The following FGR variants were observed in gnomAD, a reference collection of about 807,000 sequenced individuals.
FGR encodes tyrosine-protein kinase Fgr.
Under a neutral mutation model 63.2 loss-of-function variants are expected in FGR, and 26 were observed. The ratio of observed to expected loss-of-function variants is 0.41; its 90% confidence interval spans 0.30 to 0.57. The LOEUF (loss-of-function observed/expected upper bound fraction) is 0.57, where lower values mean the gene tolerates loss of function less well. Among genes scored for constraint, FGR ranks in the 20% least tolerant of loss-of-function variants. The probability of loss-of-function intolerance (pLI) is 0.27; values close to 1 mark genes in which losing one functional copy is unlikely to be tolerated. For missense variants in FGR, 511 were observed against 690.8 expected (o/e 0.74, Z 2.92); for synonymous variants, 286 against 277.7 (o/e 1.03, Z -0.30).
At position 27,623,675 on chromosome 1, in the gene FGR, G is replaced by A. The variant is rs747943687; in HGVS notation, c.226+16C>T. 32 of 1,612,976 alleles carry A rather than the reference G, an allele frequency of 2.0e-5. No homozygotes were observed. The highest frequency in any genetic ancestry group is 5.0e-5 in the Admixed American group (3 of 59,948). Reference sequence around the variant, plus strand: ...CAGGATCCAGGCAGCTCCTGCCTCCGACCCCTTGGACTCACCTGACACACC... The same window carrying A: ...CAGGATCCAGGCAGCTCCTGCCTCCAACCCCTTGGACTCACCTGACACACC... On this transcript the variant is annotated intron_variant, in intron 3 of 12. Transcript: ENST00000374005.
In FGR at chr1:27,631,250, G is replaced by A. The variant is rs550494503; in HGVS notation, c.-77+3815C>T. Reference sequence around the variant, plus strand: ...ATCATGCTGTTCCTAACTAGTGAATGTCATACTTCCGGTCGAACACACCAC... The same window carrying A: ...ATCATGCTGTTCCTAACTAGTGAATATCATACTTCCGGTCGAACACACCAC... On this transcript the variant is annotated intron_variant, in intron 1 of 12. Transcript: ENST00000374005. Among the ~76,000 whole-genome samples, 4 of 152,280 alleles carry A rather than the reference G, an allele frequency of 2.6e-5. No homozygotes were observed. In the South Asian group the frequency reaches 8.3e-4, roughly 32 times the overall value.
chr1:27,619,545 C>A (rs1199308549), intron 5 of FGR, among the ~76,000 whole-genome samples: 2 of 152,200 alleles, frequency 1.3e-5, no homozygotes, highest in Non-Finnish European at 2.9e-5. Flanking sequence ...CAAATTTCTG[C>A]CCTAGCCCGT....
In FGR at chr1:27,617,134, C is replaced by G; in HGVS notation, c.532+59G>C. On this transcript the variant is annotated intron_variant, in intron 6 of 12. Coordinates refer to ENST00000374005, the MANE Select transcript of FGR (RefSeq NM_005248.3). This position sits in a 1 kb window ranked among gnomAD's most constrained non-coding sequence, Gnocchi z 4.5. Reference sequence around the variant, plus strand: ...CCTTAACCCAAGCAGCCTACCGCTCCTAGCCCTACCCCAATGGCTGGGCCT... The same window carrying G: ...CCTTAACCCAAGCAGCCTACCGCTCGTAGCCCTACCCCAATGGCTGGGCCT... 2 of 1,601,398 alleles carry G rather than the reference C, an allele frequency of 1.2e-6. No homozygotes were observed. The highest frequency in any genetic ancestry group is 2.2e-5 in the East Asian group (1 of 44,764).
At position 27,635,093 on chromosome 1, in the gene FGR, G is replaced by A. The variant is rs1168823660; in HGVS notation, c.-105C>T. Reference sequence around the variant, plus strand: ...GAGCCCAATTCTGCCCGGCCCCGGGGTGAGCCAGCCGGGGCTCCAGCAGCC... The same window carrying A: ...GAGCCCAATTCTGCCCGGCCCCGGGATGAGCCAGCCGGGGCTCCAGCAGCC... On this transcript the variant is annotated 5_prime_UTR_variant, in exon 1 of 13. Coordinates refer to ENST00000374005, the MANE Select transcript of FGR (RefSeq NM_005248.3). The A allele has an allele frequency of 6.6e-6, 1 of 152,356 alleles. No homozygotes were observed. The highest frequency in any genetic ancestry group is 1.5e-5 in the Non-Finnish European group (1 of 68,162). 9.4% of individuals were successfully genotyped at this position (152,356 alleles called of 1,614,324 possible). A position where few individuals can be genotyped will look rare whatever the true frequency, so the allele number is the denominator to read the frequency against.
In FGR at chr1:27,623,776, A is replaced by C; in HGVS notation, c.141T>G (p.Phe47Leu). ...DPTKARPASS[F>L]AHIPNYSNFS... ...AGTTGCTGTAGTTGGGGATGTGGGC[A>C]AATGAGGATGCAGGCCGGGCCTTAG... Residue 47 changes from phenylalanine to leucine, a missense_variant, in exon 3 of 13, where the codon TTT becomes TTG. Phe to Leu is a conservative substitution (Grantham distance 22). Transcript: ENST00000374005. 1 of 1,614,266 alleles carries C rather than the reference A, an allele frequency of 6.2e-7. No homozygotes were observed. The highest frequency in any genetic ancestry group is 8.5e-7 in the Non-Finnish European group (1 of 1,180,048).
chr1:27,621,528 T>C lies in FGR; in HGVS notation c.428+31A>G, dbSNP rs372293094. 7 of 1,553,966 alleles carry C rather than the reference T, an allele frequency of 4.5e-6. No individual in the cohort carries two copies. The African/African-American group carries it at 5.4e-5, about 12-fold the overall frequency. ...AGTCTGGACTCCAGGGTCCTGTCCA[T>C]AGGGCTGGTCTTGCCCCAATCCCTA... On this transcript the variant is annotated intron_variant, in intron 5 of 12. Transcript: ENST00000374005.
intron 5 of FGR, among the ~76,000 whole-genome samples, chr1:27,621,039 A>C (rs1408399888): frequency 2.0e-5 from 3 of 150,610 alleles, no homozygotes; most frequent in Admixed American, 6.6e-5. Context: ...AAAGAAAAGA[A>C]AAGAAAAACA....
At chr1:27,614,747 T>G in intron 10 of FGR, 103 bp downstream of exon 10, 1 of 1,339,628 alleles carries the variant, frequency 7.5e-7, no homozygotes, top group Non-Finnish European at 1.0e-6. Flanking sequence ...GCACAGCTGA[T>G]GCAGGGGGCG....
At chr1:27,624,056 T>C in intron 2 of FGR, 127 bp from the exon 3 acceptor site, 1 of 762,942 alleles carries the variant, frequency 1.3e-6, no homozygotes, top group South Asian at 1.9e-5. Flanking sequence ...TAGATTGGGG[T>C]CCTCCCTGTA....
At chr1:27,630,625 C>T (rs562190711) in intron 1 of FGR, among the ~76,000 whole-genome samples, 2 of 152,232 alleles carry the variant, frequency 1.3e-5, no homozygotes, top group South Asian at 2.1e-4. Context: ...TTTTCTCAGG[C>T]AGTCGCTGAA....
chr1:27,631,741 C>T (rs1190717886), intron 1 of FGR, among the ~76,000 whole-genome samples: 1 of 152,112 alleles, frequency 6.6e-6, no homozygotes, highest in African/African-American at 2.4e-5. Context: ...CAGAACTGGG[C>T]AGGGCTGAGA....
rs1371903594 is a variant in FGR, at chr1:27,628,171, C to CAA, written c.-76-3022_-76-3021dup. Among the ~76,000 whole-genome samples the CAA allele has an allele frequency of 1.6e-3, 139 of 86,364 alleles. 1 individual carries two copies. Among genetic ancestry groups the CAA allele is most frequent in the African/African-American group, 4.8e-3 (119 of 24,900 alleles). 56.7% of individuals were successfully genotyped at this position (86,364 alleles called of 152,430 possible). On this transcript the variant is annotated intron_variant, in intron 1 of 12. Coordinates refer to ENST00000374005, the MANE Select transcript of FGR (RefSeq NM_005248.3). Reference sequence around the variant, plus strand: ...CCTGAGTGACAGTGAAGCTCTGTCTCAAAAAAAAAAAAAACAAAAAAAAAC... The same window carrying CAA: ...CCTGAGTGACAGTGAAGCTCTGTCTCAAAAAAAAAAAAAAAACAAAAAAAAAC...
intron 11 of FGR, 21 bp from the exon 12 acceptor site, chr1:27,613,371 G>T: frequency 6.2e-7 from 1 of 1,612,068 alleles, no homozygotes; most frequent in Non-Finnish European, 8.5e-7. Context: ...TGGGGGAGCA[G>T]GGAAAGTTAG....
chr1:27,633,754 C>G (rs1030912101), intron 1 of FGR, among the ~76,000 whole-genome samples: 1 of 152,280 alleles, frequency 6.6e-6, no homozygotes, highest in East Asian at 1.9e-4. Context: ...GGACGGGGGT[C>G]TCCCTGTGCT....
intron 1 of FGR, among the ~76,000 whole-genome samples, chr1:27,630,606 C>G (rs967339889): frequency 2.0e-5 from 3 of 151,962 alleles, no homozygotes; most frequent in Admixed American, 1.3e-4. Context: ...AGAGCCATAT[C>G]TGCCCAGATT....
intron 3 of FGR, 88 bp from the exon 4 acceptor site, chr1:27,623,232 T>C (rs988516670): frequency 3.2e-6 from 3 of 928,572 alleles, no homozygotes; most frequent in Admixed American, 3.9e-5. Flanking sequence ...CCCAGCCAGG[T>C]GCTGCACCTC....
At position 27,616,317 on chromosome 1, in the gene FGR, C is replaced by T. The variant is rs1044072239; in HGVS notation, c.683-473G>A. On this transcript the variant is annotated intron_variant, in intron 7 of 12. Transcript: ENST00000374005. The surrounding 1 kb of genome is among the most constrained non-coding windows in gnomAD (Gnocchi z 4.3). The stretch of plus-strand genomic sequence containing the variant: ...CAAGTCAGGCCTATTCTGCCTCCTA[C>T]CCAGCTTCAGAATCGTCTGCTTCAT... Among the ~76,000 whole-genome samples, 1 of 152,230 alleles carries T rather than the reference C, an allele frequency of 6.6e-6. No individual in the cohort carries two copies. Among genetic ancestry groups the T allele is most frequent in the Non-Finnish European group, 1.5e-5 (1 of 68,028 alleles).
rs2089818621 is a variant in FGR, at chr1:27,616,702, G to A, written c.682+155C>T. Among the ~76,000 whole-genome samples the A allele has an allele frequency of 6.6e-6, 1 of 152,208 alleles. No homozygotes were observed. The highest frequency in any genetic ancestry group is 1.5e-5 in the Non-Finnish European group (1 of 68,034). ...GACTGCTTTCCTCCAGAAGCTCACA[G>A]AGCTGGATCCTGGGCTGGCAGACCC... is the stretch of plus-strand genomic sequence containing the variant. On this transcript the variant is annotated intron_variant, in intron 7 of 12. Transcript: ENST00000374005. The surrounding 1 kb of genome is among the most constrained non-coding windows in gnomAD (Gnocchi z 4.3).
rs12037666 is a variant in FGR, at chr1:27,635,001, C to T, written c.-77+64G>A. ...TTCCCGTGTACCCCCAGTCCTCTCT[C>T]CAGAGCCTCGAGGGGGAGGGCACTG... is the stretch of plus-strand genomic sequence containing the variant. On this transcript the variant is annotated intron_variant, in intron 1 of 12. Coordinates refer to ENST00000374005, the MANE Select transcript of FGR (RefSeq NM_005248.3). The T allele has an allele frequency of 0.02, 3,012 of 152,456 alleles. 450 individuals carry two copies. The East Asian group carries it at 0.32, about 16-fold the overall frequency. The allele number at this position is 152,456 out of a possible 1,614,324, so 9.4% of individuals were successfully genotyped here.
Sources: gnomAD v4.1 joint callset for allele counts (sites outside exome capture counted in the v4.1 genomes callset) on GRCh38, gnomAD v4.1.1 for gene constraint, Gnocchi (gnomAD v3.1) non-coding constraint, MANE v1.5 for transcripts, NCBI Gene and HGNC (gene_info 2026-07-23, HGNC 2026-07-21) for gene names.